Variants in C1orf167 observed in about 807,000 individuals in gnomAD.
C1orf167 encodes uncharacterized protein C1orf167.
Under a neutral mutation model 176.5 loss-of-function variants are expected in C1orf167, and 153 were observed. That is an observed-to-expected ratio of 0.87 (90% confidence interval 0.76 to 0.99). The LOEUF is 0.99. Ranked by LOEUF, C1orf167 falls within the 50% of genes least tolerant of loss-of-function variation. C1orf167 has a pLI of 0.00. For missense variants in C1orf167, 1,490 were observed against 1,817.7 expected (o/e 0.82, Z 3.28); for synonymous variants, 594 against 752.7 (o/e 0.79, Z 3.45).
chr1:11,763,994 G>A (rs1294156225), intron 1 of C1orf167, among the ~76,000 whole-genome samples: 1 of 152,224 alleles, frequency 6.6e-6, no homozygotes, highest in East Asian at 1.9e-4. Context: ...GACGGCTGGA[G>A]TTCAGTTTTG....
chr1:11,783,626 G>A (rs6665802), intron 14 of C1orf167, among the ~76,000 whole-genome samples: 17,004 of 152,122 alleles, frequency 0.11, 1,029 homozygotes, highest in South Asian at 0.19. Context: ...GGCATGTGAT[G>A]GGAGGCAGGG....
At chr1:11,762,458 G>T (rs895027181) in intron 1 of C1orf167, among the ~76,000 whole-genome samples, 153 bp downstream of exon 1, 10 of 152,164 alleles carry the variant, frequency 6.6e-5, no homozygotes, top group Non-Finnish European at 1.5e-4. Context: ...GAAATGGACC[G>T]AAGAGCTCCG....
At chr1:11,767,682 C>T (rs888771529) in intron 4 of C1orf167, among the ~76,000 whole-genome samples, 24 of 151,926 alleles carry the variant, frequency 1.6e-4, no homozygotes, top group Admixed American at 1.1e-3. Flanking sequence ...AAAAATCAGC[C>T]GGGTGGGGTG....
intron 13 of C1orf167, among the ~76,000 whole-genome samples, chr1:11,780,704 A>AGTGGGCAGAGTCATGGTGCCCTTAGGG (rs1431938324): frequency 6.6e-6 from 1 of 152,170 alleles, no homozygotes; most frequent in African/African-American, 2.4e-5. Context: ...TTGGGAGAGA[A>AGTGGGCAGAGTCATGGTGCCCTTAGGG]GTGGGCAGAG....
intron 10 of C1orf167, 141 bp downstream of exon 10, chr1:11,776,779 G>T: frequency 1.2e-6 from 1 of 829,926 alleles, no homozygotes; most frequent in Non-Finnish European, 1.6e-6. Flanking sequence ...CCGTGGCCCT[G>T]CACAGGGCCT....
rs1346868563 is a variant in C1orf167, at chr1:11,771,045, GTGTGTA to G, written c.1698-477_1698-472del. 1.1e-3 allele frequency among the ~76,000 whole-genome samples: 76 copies of G among 68,620 alleles called. 3 individuals carry two copies. The highest frequency in any genetic ancestry group is 2.1e-3 in the East Asian group (6 of 2,796). 45.0% of individuals were successfully genotyped at this position (68,620 alleles called of 152,430 possible). A position where few individuals can be genotyped will look rare whatever the true frequency, so the allele number is the denominator to read the frequency against. On this transcript the variant is annotated intron_variant, in intron 6 of 20. Coordinates refer to ENST00000688073, the MANE Select transcript of C1orf167 (RefSeq NM_001010881.2). ...CGTGTGTGTGTATGTGTGTGTGTGT[GTGTGTA>G]TATATATATATATATATATTTTTTT...
At chr1:11,765,277 C>T (rs1240395514) in intron 2 of C1orf167, among the ~76,000 whole-genome samples, 3 of 152,078 alleles carry the variant, frequency 2.0e-5, no homozygotes, top group African/African-American at 7.2e-5. Context: ...GCGCCCAGAG[C>T]CTCCCGGTAC....
chr1:11,762,639 C>T (rs1487491740), intron 1 of C1orf167, among the ~76,000 whole-genome samples: 1 of 152,158 alleles, frequency 6.6e-6, no homozygotes, highest in African/African-American at 2.4e-5. Context: ...AGCTCCTGTC[C>T]TCATTTCTAA....
rs1347488619 is a variant in C1orf167 at position 11,787,415 on chromosome 1, G to A, written c.3595G>A (p.Glu1199Lys). Residue 1199 changes from glutamate to lysine, a missense_variant, in exon 17 of 21, where the codon GAG becomes AAG. Glu to Lys is a moderately conservative substitution (Grantham distance 56). Coordinates refer to ENST00000688073, the MANE Select transcript of C1orf167 (RefSeq NM_001010881.2). ...CCGCAGCTGCTGGACACAGGCCACAGAGCTGGTGCCTCCCGCGCCATCACT... is the reference window on the plus strand; with the variant it reads ...CCGCAGCTGCTGGACACAGGCCACAAAGCTGGTGCCTCCCGCGCCATCACT... ...KTRSCWTQAT[E>K]LVPPAPSLQC... The A allele has an allele frequency of 2.3e-6, 3 of 1,302,764 alleles. No individual in the cohort carries two copies. Among genetic ancestry groups the A allele is most frequent in the South Asian group, 2.5e-5 (2 of 80,902 alleles). 80.7% of individuals were successfully genotyped at this position (1,302,764 alleles called of 1,614,324 possible).
chr1:11,784,917 CCT>C lies in C1orf167; in HGVS notation c.3426-226_3426-225del, dbSNP rs927699436. On this transcript the variant is annotated intron_variant, in intron 15 of 20. Transcript: ENST00000688073. Reference sequence around the variant, plus strand: ...CAAAGTGGCACTGGCAGGACTGTCCCCTCTCTGCCCCTAAACAGGATGCTTGT... The same window carrying C: ...CAAAGTGGCACTGGCAGGACTGTCCCCTCTGCCCCTAAACAGGATGCTTGT... Among the ~76,000 whole-genome samples the C allele has an allele frequency of 3.9e-5, 6 of 152,332 alleles. No homozygotes were observed. The South Asian group carries it at 6.2e-4, about 16-fold the overall frequency.
chr1:11,765,971 C>T lies in C1orf167; in HGVS notation c.185C>T (p.Ala62Val), dbSNP rs1023998199. The change falls in exon 3 of 21, where the codon GCA (alanine) becomes GTA (valine). Residue 62 changes from alanine to valine, a missense_variant. By Grantham distance (64) the Ala-to-Val change is moderately conservative (BLOSUM62 0). Coordinates refer to ENST00000688073, the MANE Select transcript of C1orf167 (RefSeq NM_001010881.2). The part of the protein sequence containing the change: ...GGPAATPSPG[A>V]VLDQEPCRVQ... ...CCTGCTGCCACACCCTCCCCAGGGG[C>T]AGTGCTAGACCAGGAGCCCTGCCGA... The T allele has an allele frequency of 2.9e-5, 37 of 1,282,772 alleles. No individual in the cohort carries two copies. The African/African-American group carries it at 5.5e-4, about 19-fold the overall frequency. The allele number at this position is 1,282,772 out of a possible 1,614,324, so 79.5% of individuals were successfully genotyped here.
rs751513523 is a variant in C1orf167 at position 11,766,602 on chromosome 1, C to G, written c.816C>G (p.Thr272=). 1.6e-6 allele frequency: 2 copies of G among 1,274,536 alleles called. No homozygotes were observed. Among genetic ancestry groups the G allele is most frequent in the Non-Finnish European group, 2.0e-6 (2 of 980,526 alleles). The allele number at this position is 1,274,536 out of a possible 1,614,324, so 79.0% of individuals were successfully genotyped here. The change falls in exon 3 of 21, where the codon ACC becomes ACG. Residue 272 remains threonine (T), a synonymous_variant. Coordinates refer to ENST00000688073, the MANE Select transcript of C1orf167 (RefSeq NM_001010881.2). This position sits in a 1 kb window ranked among gnomAD's most constrained non-coding sequence, Gnocchi z 4.5. ...PPGAVQQDLW[T]GGGQPFSAHP... ...GTGCTGTGCAGCAGGACCTCTGGAC[C>G]GGCGGCGGCCAGCCATTCTCCGCCC...
intron 16 of C1orf167, 48 bp from the exon 17 acceptor site, chr1:11,787,340 A>C (rs1008190529): frequency 3.9e-5 from 46 of 1,164,958 alleles, no homozygotes; most frequent in Admixed American, 6.7e-5. Context: ...GGCCCCAGGA[A>C]GTCCAAGCCC....
Position 11,765,936 on chromosome 1 carries a change from G to A in C1orf167, c.150G>A (p.Glu50=), listed in dbSNP as rs940918295. ...AGTGGGTGCCCGGGTGCCAGGTGGA[G>A]AGGGGAGGGCCTGCTGCCACACCCT... ...HDQWVPGCQV[E]RGGPAATPSP... The change falls in exon 3 of 21, where the codon GAG becomes GAA. Residue 50 remains glutamate (E), a synonymous_variant. Transcript: ENST00000688073. 2.4e-6 allele frequency: 3 copies of A among 1,250,304 alleles called. No homozygotes were observed. The highest frequency in any genetic ancestry group is 2.6e-5 in the Admixed American group (1 of 37,914). The allele number at this position is 1,250,304 out of a possible 1,614,324, so 77.5% of individuals were successfully genotyped here.
intron 6 of C1orf167, among the ~76,000 whole-genome samples, chr1:11,769,384 T>C (rs1642944653): frequency 6.6e-6 from 1 of 151,990 alleles, no homozygotes. Flanking sequence ...CTGGGCAACA[T>C]AGCGAGACCC....
In C1orf167 at chr1:11,788,346, G is replaced by A; in HGVS notation, c.4046G>A (p.Cys1349Tyr). The A allele has an allele frequency of 7.7e-7, 1 of 1,300,082 alleles. No homozygotes were observed. The highest frequency in any genetic ancestry group is 1.0e-6 in the Non-Finnish European group (1 of 986,324). 80.5% of individuals were successfully genotyped at this position (1,300,082 alleles called of 1,614,324 possible). The change falls in exon 19 of 21, where the codon TGC becomes TAC. Residue 1349 changes from cysteine (C) to tyrosine (Y), a missense_variant. Transcript: ENST00000688073. ...AGTGGCATGGCAGCACTGGGTGGAT[G>A]CCCAAGGGGCAGAGCAGCTGGTGCG... ...PGSGMAALGG[C>Y]PRGRAAGADP...
chr1:11,779,738 G>A (rs1643502258), intron 12 of C1orf167, 64 bp from the exon 13 acceptor site: 1 of 1,179,760 alleles, frequency 8.5e-7, no homozygotes, highest in African/African-American at 1.6e-5. Context: ...AGGAGGGTGG[G>A]GCAGGGCTGG....
chr1:11,766,105 C>T lies in C1orf167; in HGVS notation c.319C>T (p.Leu107=). 7.8e-7 allele frequency: 1 copy of T among 1,289,902 alleles called. No individual in the cohort carries two copies. The highest frequency in any genetic ancestry group is 1.0e-6 in the Non-Finnish European group (1 of 988,886). The allele number at this position is 1,289,902 out of a possible 1,614,324, so 79.9% of individuals were successfully genotyped here. A position where few individuals can be genotyped will look rare whatever the true frequency, so the allele number is the denominator to read the frequency against. The change falls in exon 3 of 21, where the codon CTG becomes TTG. Residue 107 remains leucine, a synonymous_variant. Transcript: ENST00000688073. This position sits in a 1 kb window ranked among gnomAD's most constrained non-coding sequence, Gnocchi z 4.5. The part of the protein sequence containing the change: ...SFWQQSNLQS[L]ARRRQGKARE... ...CTGGCAACAGAGCAACCTGCAGTCCCTGGCCAGGAGGCGCCAAGGGAAGGC... is the reference window on the plus strand; with the variant it reads ...CTGGCAACAGAGCAACCTGCAGTCCTTGGCCAGGAGGCGCCAAGGGAAGGC...
rs1488233746 is a variant in C1orf167, at chr1:11,788,671, G to A, written c.4098G>A (p.Glu1366=). ...CCAAAGCTCAGGGAGTGGCACCTGA[G>A]ATGGGCCTGGCAGACGTGGTGGCAG... The part of the protein sequence containing the change: ...GADPAQGVAP[E]MGLADVVAAD... Residue 1366 remains glutamate (E), a synonymous_variant, in exon 20 of 21, where the codon GAG becomes GAA. Coordinates refer to ENST00000688073, the MANE Select transcript of C1orf167 (RefSeq NM_001010881.2). 2 of 1,304,190 alleles carry A rather than the reference G, an allele frequency of 1.5e-6. No individual in the cohort carries two copies. The highest frequency in any genetic ancestry group is 1.0e-6 in the Non-Finnish European group (1 of 988,960). The allele number at this position is 1,304,190 out of a possible 1,614,324, so 80.8% of individuals were successfully genotyped here.
Sources: gnomAD v4.1 joint callset for allele counts (sites outside exome capture counted in the v4.1 genomes callset) on GRCh38, gnomAD v4.1.1 for gene constraint, Gnocchi (gnomAD v3.1) non-coding constraint, MANE v1.5 for transcripts, NCBI Gene and HGNC (gene_info 2026-07-23, HGNC 2026-07-21) for gene names.